RSRC1: variants seen among roughly 807,000 people sequenced by gnomAD.
The protein encoded by RSRC1 is arginine and serine rich coiled-coil 1.
Under a neutral mutation model 49.1 loss-of-function variants are expected in RSRC1, and 39 were observed. The ratio of observed to expected loss-of-function variants is 0.79; its 90% confidence interval spans 0.61 to 1.04. RSRC1 has a LOEUF of 1.04. Ranked by LOEUF, RSRC1 falls within the 50% of genes least tolerant of loss-of-function variation. RSRC1 has a pLI of 0.00. For missense variants in RSRC1, 388 were observed against 402.4 expected, an observed-to-expected ratio of 0.96 and a Z score of 0.31; for synonymous variants, 143 against 130.8, an observed-to-expected ratio of 1.09 and a Z score of -0.63.
At chr3:158,488,271 A>T (rs1560062864) in intron 7 of RSRC1, among the ~76,000 whole-genome samples, 2 of 152,174 alleles carry the variant, frequency 1.3e-5, no homozygotes, top group Non-Finnish European at 2.9e-5. Flanking sequence ...AGTATAAAAA[A>T]TTCTAAATAA....
At chr3:158,330,479 A>C (rs1318701474) in intron 5 of RSRC1, among the ~76,000 whole-genome samples, 1 of 152,208 alleles carries the variant, frequency 6.6e-6, no homozygotes, top group Non-Finnish European at 1.5e-5. Context: ...CTTAATATAT[A>C]GTACCCTACC....
intron 4 of RSRC1, among the ~76,000 whole-genome samples, chr3:158,283,359 A>G (rs1366940449): frequency 1.3e-5 from 2 of 152,132 alleles, no homozygotes; most frequent in East Asian, 1.9e-4. Context: ...AAACATATAA[A>G]CAATTAGAAT....
chr3:158,334,055 C>T (rs918882382), intron 5 of RSRC1, among the ~76,000 whole-genome samples: 5 of 151,962 alleles, frequency 3.3e-5, no homozygotes, highest in Admixed American at 6.6e-5. Context: ...TCTAGAACAT[C>T]CTGAAATGTT....
chr3:158,212,431 A>G (rs896323920), intron 4 of RSRC1, among the ~76,000 whole-genome samples: 5 of 151,876 alleles, frequency 3.3e-5, no homozygotes, highest in Non-Finnish European at 5.9e-5. Flanking sequence ...CAATCATGCT[A>G]CAGTTAGTAT....
At chr3:158,324,470 A>C (rs1578337406) in intron 5 of RSRC1, among the ~76,000 whole-genome samples, 2 of 152,098 alleles carry the variant, frequency 1.3e-5, no homozygotes, top group East Asian at 3.9e-4. Flanking sequence ...CCTATGAGTG[A>C]GAACATGAGG....
At chr3:158,154,539 A>G (rs1342802893) in intron 3 of RSRC1, among the ~76,000 whole-genome samples, 3 of 148,598 alleles carry the variant, frequency 2.0e-5, no homozygotes, top group Admixed American at 6.7e-5. Flanking sequence ...ATCTCGGCTC[A>G]CTGCAACCTC....
At chr3:158,367,605 T>C (rs1168184837) in intron 6 of RSRC1, among the ~76,000 whole-genome samples, 2 of 152,176 alleles carry the variant, frequency 1.3e-5, no homozygotes, top group African/African-American at 4.8e-5. Flanking sequence ...TAAAATTTTC[T>C]TTTTTGTTGT....
intron 5 of RSRC1, among the ~76,000 whole-genome samples, chr3:158,349,054 G>A (rs2086661156): frequency 6.6e-6 from 1 of 150,636 alleles, no homozygotes; most frequent in African/African-American, 2.5e-5. Context: ...GCAATCAAGT[G>A]TCTTTTTTAT....
chr3:158,440,278 G>A (rs997965573), intron 6 of RSRC1, among the ~76,000 whole-genome samples: 3 of 152,094 alleles, frequency 2.0e-5, no homozygotes, highest in Admixed American at 2.0e-4. Context: ...GGATCTCGTA[G>A]GTCATGCTAA....
At chr3:158,475,726 CT>C (rs1738337183) in intron 7 of RSRC1, among the ~76,000 whole-genome samples, 1 of 37,202 alleles carries the variant, frequency 2.7e-5, no homozygotes, top group Admixed American at 2.6e-4. Context: ...GGCTATTCCT[CT>C]CTCTCTCTCT....
chr3:158,488,929 T>G (rs1738947598), intron 7 of RSRC1, among the ~76,000 whole-genome samples: 1 of 152,258 alleles, frequency 6.6e-6, no homozygotes, highest in South Asian at 2.1e-4. Context: ...GGAAATATAT[T>G]AAAATGCTCT....
In RSRC1 at chr3:158,125,559, T is replaced by G. The variant is rs936232798; in HGVS notation, c.320+1568T>G. ...TTTCTACTGCTATTGATGTCTAGTT[T>G]CATTTCTTTGTGTTTCGAAAAGATA... is the stretch of plus-strand genomic sequence containing the variant. On this transcript the variant is annotated intron_variant, in intron 3 of 9. Transcript: ENST00000611884. 4.6e-5 allele frequency among the ~76,000 whole-genome samples: 7 copies of G among 152,338 alleles called. No individual in the cohort carries two copies. In the East Asian group the frequency reaches 1.3e-3, roughly 29 times the overall value.
intron 3 of RSRC1, among the ~76,000 whole-genome samples, chr3:158,172,160 T>C (rs1718918487): frequency 6.6e-6 from 1 of 152,108 alleles, no homozygotes; most frequent in Non-Finnish European, 1.5e-5. Flanking sequence ...GAAGAAGTAA[T>C]GGCTAAAAAT....
chr3:158,285,588 T>C (rs1031041976), intron 4 of RSRC1, among the ~76,000 whole-genome samples: 1 of 152,210 alleles, frequency 6.6e-6, no homozygotes, highest in Non-Finnish European at 1.5e-5. Flanking sequence ...TTTGTAGTTC[T>C]CTTTGAAGAG....
At chr3:158,155,632 T>C (rs1717827506) in intron 3 of RSRC1, among the ~76,000 whole-genome samples, 4 of 150,820 alleles carry the variant, frequency 2.7e-5, no homozygotes, top group African/African-American at 9.8e-5. Flanking sequence ...TTGTAGAGAT[T>C]GGGTTTCACC....
intron 6 of RSRC1, among the ~76,000 whole-genome samples, chr3:158,451,106 T>C (rs1246456704): frequency 1.3e-5 from 2 of 151,920 alleles, no homozygotes; most frequent in East Asian, 1.9e-4. Flanking sequence ...TGCCACTCCT[T>C]AGTCCAGAAT....
intron 6 of RSRC1, among the ~76,000 whole-genome samples, chr3:158,412,164 A>G (rs988946898): frequency 1.3e-5 from 2 of 152,080 alleles, no homozygotes; most frequent in Admixed American, 1.3e-4. Context: ...TTATTTTTCT[A>G]TCTTCAGTGC....
chr3:158,235,363 G>A (rs893563379), intron 4 of RSRC1, among the ~76,000 whole-genome samples: 2 of 152,080 alleles, frequency 1.3e-5, no homozygotes, highest in South Asian at 2.1e-4. Context: ...AAGGGATGCC[G>A]TTGCTTTAGT....
chr3:158,240,588 T>C (rs2107991471), intron 4 of RSRC1, among the ~76,000 whole-genome samples: 1 of 152,338 alleles, frequency 6.6e-6, no homozygotes, highest in East Asian at 1.9e-4. Flanking sequence ...AATTTTTCTT[T>C]CCTGTTCTCT....
Sources: gnomAD v4.1 joint callset for allele counts (sites outside exome capture counted in the v4.1 genomes callset) on GRCh38, gnomAD v4.1.1 for gene constraint, MANE v1.5 for transcripts, NCBI Gene and HGNC (gene_info 2026-07-23, HGNC 2026-07-21) for gene names.